RANBP2: variants seen among roughly 807,000 people sequenced by gnomAD.
The protein encoded by RANBP2 is E3 SUMO-protein ligase RanBP2.
RANBP2 carries 57 observed loss-of-function variants against 303.6 expected under a neutral mutation model. The observed-to-expected ratio is 0.19, with a 90% CI of 0.15 to 0.23. The LOEUF (loss-of-function observed/expected upper bound fraction) is 0.23. Ranked by LOEUF, RANBP2 falls within the 10% of genes least tolerant of loss-of-function variation. The probability of loss-of-function intolerance (pLI) is 1.00; values close to 1 mark genes in which losing one functional copy is unlikely to be tolerated. For synonymous variants in RANBP2, 1,167 were observed against 1,301.5 expected (o/e 0.90, Z 2.23); for missense variants, 3,138 against 3,780.8 (o/e 0.83, Z 4.46).
the RANBP2 span, among the ~76,000 whole-genome samples, chr2:109,163,018 T>C: frequency 6.6e-6 from 1 of 152,118 alleles, no homozygotes; most frequent in South Asian, 2.1e-4. Flanking sequence ...GAGGGAAAAG[T>C]CCCCCAAAGT....
chr2:109,435,975 G>A, the RANBP2 span, among the ~76,000 whole-genome samples: 1 of 152,174 alleles, frequency 6.6e-6, no homozygotes, highest in Admixed American at 6.5e-5. Context: ...CCTCTCAGCT[G>A]CTGTGCAGAA....
chr2:109,057,637 CT>C, the RANBP2 span, among the ~76,000 whole-genome samples: 2 of 152,210 alleles, frequency 1.3e-5, no homozygotes, highest in African/African-American at 4.8e-5. Context: ...AACATCAAAC[CT>C]TGGTCTTTCT....
At chr2:109,319,104 G>A in the RANBP2 span, among the ~76,000 whole-genome samples, 1 of 152,176 alleles carries the variant, frequency 6.6e-6, no homozygotes, top group Non-Finnish European at 1.5e-5. Context: ...CTGCTTGTAG[G>A]TGTCTGCAGA....
At chr2:109,364,011 T>C in the RANBP2 span, among the ~76,000 whole-genome samples, 4 of 152,304 alleles carry the variant, frequency 2.6e-5, no homozygotes, top group African/African-American at 9.6e-5. Context: ...GACAATAATT[T>C]GGAGAAATTC....
At chr2:109,161,228 A>G in the RANBP2 span, among the ~76,000 whole-genome samples, 1 of 152,136 alleles carries the variant, frequency 6.6e-6, no homozygotes, top group Non-Finnish European at 1.5e-5. Flanking sequence ...GGGAATCCCC[A>G]CCTTATAAGT....
At chr2:109,642,877 G>C in the RANBP2 span, among the ~76,000 whole-genome samples, 2 of 152,054 alleles carry the variant, frequency 1.3e-5, no homozygotes, top group Non-Finnish European at 2.9e-5. Flanking sequence ...CATATTGGAA[G>C]ATAAAGAATA....
chr2:109,064,074 A>T, the RANBP2 span, among the ~76,000 whole-genome samples: 15 of 152,338 alleles, frequency 9.8e-5, no homozygotes, highest in African/African-American at 3.4e-4. Flanking sequence ...AGTGCCAAGC[A>T]CTGTGTTTAT....
chr2:108,996,235 C>A, the RANBP2 span, among the ~76,000 whole-genome samples: 1 of 152,164 alleles, frequency 6.6e-6, no homozygotes, highest in Non-Finnish European at 1.5e-5. Flanking sequence ...CAGGTTTGAA[C>A]CCCAGGAAGG....
chr2:109,700,291 G>C, the RANBP2 span, among the ~76,000 whole-genome samples: 4 of 152,206 alleles, frequency 2.6e-5, no homozygotes, highest in African/African-American at 9.6e-5. Flanking sequence ...ATTTTGCCAA[G>C]GTCGAGAATG....
At chr2:109,572,263 C>T in the RANBP2 span, among the ~76,000 whole-genome samples, 1 of 151,752 alleles carries the variant, frequency 6.6e-6, no homozygotes, top group African/African-American at 2.4e-5. Flanking sequence ...CCCGAGTAGC[C>T]GGGACTACTG....
chr2:109,565,438 T>C, the RANBP2 span, among the ~76,000 whole-genome samples: 7 of 152,360 alleles, frequency 4.6e-5, no homozygotes, highest in Admixed American at 4.6e-4. Context: ...ATTTATAAGA[T>C]GGTTGACTGT....
the RANBP2 span, among the ~76,000 whole-genome samples, chr2:109,659,727 G>A: frequency 6.6e-6 from 1 of 152,234 alleles, no homozygotes; most frequent in Non-Finnish European, 1.5e-5. Flanking sequence ...TGGACTCTGA[G>A]GGGGCCGCGG....
At chr2:108,751,149 T>C (rs1675848673) in intron 9 of RANBP2, 115 bp from the exon 10 acceptor site, 13 of 1,517,672 alleles carry the variant, frequency 8.6e-6, no homozygotes, top group South Asian at 2.4e-5. Flanking sequence ...AGCTTTGATA[T>C]AGAAAAGCAG....
At chr2:109,296,151 C>T in the RANBP2 span, among the ~76,000 whole-genome samples, 9 of 152,156 alleles carry the variant, frequency 5.9e-5, no homozygotes, top group Non-Finnish European at 1.0e-4. Context: ...CAACCCCGCC[C>T]ATGTCAGCAT....
the RANBP2 span, among the ~76,000 whole-genome samples, chr2:109,169,775 A>AC: frequency 2.6e-5 from 4 of 151,200 alleles, no homozygotes; most frequent in East Asian, 1.9e-4. Context: ...CACACACATG[A>AC]CCCCCCAAAA....
the RANBP2 span, chr2:109,432,515 A>G: frequency 6.2e-7 from 1 of 1,613,446 alleles, no homozygotes; most frequent in Non-Finnish European, 8.5e-7. Flanking sequence ...CTGGCGCTCT[A>G]CGCCTACAAG....
At chr2:109,048,441 A>C in the RANBP2 span, among the ~76,000 whole-genome samples, 1 of 152,118 alleles carries the variant, frequency 6.6e-6, no homozygotes, top group Non-Finnish European at 1.5e-5. Context: ...CTTTATCTAC[A>C]TTATATTCAT....
the RANBP2 span, among the ~76,000 whole-genome samples, chr2:109,028,880 G>C: frequency 6.6e-6 from 1 of 152,176 alleles, no homozygotes; most frequent in South Asian, 2.1e-4. Context: ...AGGGCCAACT[G>C]AGAATGCATG....
chr2:108,719,790 G>C, intron 1 of RANBP2, 112 bp downstream of exon 1: 1 of 1,504,246 alleles, frequency 6.6e-7, no homozygotes, highest in South Asian at 1.3e-5. Flanking sequence ...CTCTGTTGAG[G>C]CGCCGGCCGG....
Sources: allele counts gnomAD v4.1 joint callset (sites outside exome capture counted in the v4.1 genomes callset), GRCh38; gene constraint gnomAD v4.1.1; transcripts MANE v1.5; gene names NCBI Gene and HGNC (gene_info 2026-07-23, HGNC 2026-07-21).